The following CDKAL1 variants were observed in gnomAD, a reference collection of about 807,000 sequenced individuals.
CDKAL1 encodes threonylcarbamoyladenosine tRNA methylthiotransferase.
CDKAL1 carries 32 observed loss-of-function variants against 68.2 expected under a neutral mutation model. That is an observed-to-expected ratio of 0.47 (90% CI 0.35 to 0.63). The LOEUF (loss-of-function observed/expected upper bound fraction) is 0.63. Ranked by LOEUF, CDKAL1 falls within the 30% of genes least tolerant of loss-of-function variation. The pLI, the probability that CDKAL1 is intolerant of heterozygous loss-of-function variation, is 0.00. For missense variants in CDKAL1, 606 were observed against 696.7 expected, an observed-to-expected ratio of 0.87 and a Z score of 1.47; for synonymous variants, 234 against 244.3, an observed-to-expected ratio of 0.96 and a Z score of 0.39.
At chr6:20,991,380 G>A (rs1028817807) in intron 10 of CDKAL1, among the ~76,000 whole-genome samples, 1 of 152,102 alleles carries the variant, frequency 6.6e-6, no homozygotes, top group Non-Finnish European at 1.5e-5. Context: ...TGGACTTAAT[G>A]TCACTGAACT....
At chr6:20,871,360 T>G (rs1416528783) in intron 9 of CDKAL1, among the ~76,000 whole-genome samples, 2 of 152,214 alleles carry the variant, frequency 1.3e-5, no homozygotes, top group African/African-American at 4.8e-5. Context: ...ATGCAAATTT[T>G]TATAATTTCT....
intron 9 of CDKAL1, among the ~76,000 whole-genome samples, chr6:20,899,358 C>T (rs906735770): frequency 2.6e-5 from 4 of 152,038 alleles, no homozygotes; most frequent in Admixed American, 1.3e-4. Context: ...CCACTGCGCC[C>T]GGCCCTCTAA....
chr6:20,542,060 C>T (rs1763412469), intron 2 of CDKAL1, among the ~76,000 whole-genome samples: 1 of 152,214 alleles, frequency 6.6e-6, no homozygotes, highest in African/African-American at 2.4e-5. Flanking sequence ...TTGGTTCTTA[C>T]TGACAATATA....
intron 8 of CDKAL1, among the ~76,000 whole-genome samples, chr6:20,785,972 G>A (rs1775654154): frequency 1.3e-5 from 2 of 152,154 alleles, no homozygotes; most frequent in South Asian, 4.2e-4. Flanking sequence ...TGTAATCCCA[G>A]CACTTTGGGA....
intron 8 of CDKAL1, among the ~76,000 whole-genome samples, chr6:20,800,014 A>T (rs1460599512): frequency 1.3e-5 from 2 of 152,256 alleles, no homozygotes; most frequent in Non-Finnish European, 2.9e-5. Flanking sequence ...ATTTGGAAGA[A>T]TTGCAAATCC....
At chr6:20,629,247 A>G (rs1202077774) in intron 4 of CDKAL1, among the ~76,000 whole-genome samples, 1 of 152,136 alleles carries the variant, frequency 6.6e-6, no homozygotes, top group Non-Finnish European at 1.5e-5. Context: ...GGTTCAAGTT[A>G]TACATCTTTG....
intron 13 of CDKAL1, among the ~76,000 whole-genome samples, chr6:21,167,542 G>A (rs142521906): frequency 2.9e-4 from 44 of 152,240 alleles, no homozygotes; most frequent in African/African-American, 1.0e-3. Flanking sequence ...ACCTACTGTG[G>A]TCAAGAATAC....
At chr6:20,593,527 C>T (rs1163491027) in intron 4 of CDKAL1, among the ~76,000 whole-genome samples, 2 of 150,996 alleles carry the variant, frequency 1.3e-5, no homozygotes, top group Non-Finnish European at 2.9e-5. Context: ...TCCCCTTTAT[C>T]ATTTTTTATT....
At chr6:20,831,833 T>C (rs2150464790) in intron 8 of CDKAL1, among the ~76,000 whole-genome samples, 1 of 152,312 alleles carries the variant, frequency 6.6e-6, no homozygotes, top group South Asian at 2.1e-4. Flanking sequence ...ACCTTTCCAA[T>C]TTGCTTCAAA....
Position 20,860,608 on chromosome 6 carries a change from G to A in CDKAL1, c.742+14430G>A, listed in dbSNP as rs142259166. Among the ~76,000 whole-genome samples the A allele has an allele frequency of 3.0e-3, 456 of 152,076 alleles. 3 individuals carry two copies. Among genetic ancestry groups the A allele is most frequent in the African/African-American group, 0.01 (426 of 41,496 alleles). On this transcript the variant is annotated intron_variant, in intron 9 of 15. Transcript: ENST00000274695. Reference sequence around the variant, plus strand: ...GGGAGGCCAAGTGGGGGCAGATCACGAGATCAAGAGATCGAGACCATCGTG... The same window carrying A: ...GGGAGGCCAAGTGGGGGCAGATCACAAGATCAAGAGATCGAGACCATCGTG...
intron 6 of CDKAL1, 33 bp downstream of exon 6, chr6:20,739,648 C>A: frequency 7.8e-7 from 1 of 1,281,634 alleles, no homozygotes; most frequent in Non-Finnish European, 1.1e-6. Flanking sequence ...AAGAGAAAAT[C>A]TTACATTGTT....
intron 13 of CDKAL1, among the ~76,000 whole-genome samples, chr6:21,140,985 C>CT (rs1459278338): frequency 6.6e-6 from 1 of 152,134 alleles, no homozygotes; most frequent in Non-Finnish European, 1.5e-5. Context: ...TCTCATGAGA[C>CT]TTATTCACTA....
intron 13 of CDKAL1, among the ~76,000 whole-genome samples, chr6:21,145,809 A>G (rs1776137987): frequency 6.6e-6 from 1 of 152,186 alleles, no homozygotes; most frequent in Non-Finnish European, 1.5e-5. Flanking sequence ...CAGACATGGC[A>G]GTATCACTTG....
At chr6:20,696,236 A>G (rs1290307829) in intron 5 of CDKAL1, among the ~76,000 whole-genome samples, 1 of 152,244 alleles carries the variant, frequency 6.6e-6, no homozygotes, top group Non-Finnish European at 1.5e-5. Context: ...ACTGATTTTA[A>G]GAAGTCGTCT....
At chr6:21,002,099 C>CT (rs1435867616) in intron 11 of CDKAL1, among the ~76,000 whole-genome samples, 2 of 152,300 alleles carry the variant, frequency 1.3e-5, no homozygotes, top group Non-Finnish European at 2.9e-5. Context: ...TTCTGGAGGT[C>CT]TGTTAAATCT....
At chr6:21,221,925 T>C (rs73734140) in intron 15 of CDKAL1, among the ~76,000 whole-genome samples, 1 of 152,336 alleles carries the variant, frequency 6.6e-6, no homozygotes, top group African/African-American at 2.4e-5. Flanking sequence ...TTTGATACGA[T>C]TATCTCTGTC....
intron 13 of CDKAL1, among the ~76,000 whole-genome samples, chr6:21,160,151 G>T (rs7739578): frequency 6.6e-6 from 1 of 151,884 alleles, no homozygotes; most frequent in Non-Finnish European, 1.5e-5. Flanking sequence ...TTGCAGACCC[G>T]CTTTAAGTCA....
chr6:20,591,142 A>G (rs1191931269), intron 4 of CDKAL1, among the ~76,000 whole-genome samples: 1 of 152,142 alleles, frequency 6.6e-6, no homozygotes, highest in African/African-American at 2.4e-5. Flanking sequence ...TTTGTTGACC[A>G]CATAAATGTC....
intron 11 of CDKAL1, among the ~76,000 whole-genome samples, chr6:21,054,066 T>C (rs992300345): frequency 2.6e-5 from 4 of 152,204 alleles, no homozygotes; most frequent in Non-Finnish European, 5.9e-5. Context: ...TATTTTCTTC[T>C]AGATGTTTAA....
Sources: allele counts gnomAD v4.1 joint callset (sites outside exome capture counted in the v4.1 genomes callset), GRCh38; gene constraint gnomAD v4.1.1; transcripts MANE v1.5; gene names NCBI Gene and HGNC (gene_info 2026-07-23, HGNC 2026-07-21).